Variants in MMP16 observed in about 807,000 individuals in gnomAD.
MMP16 encodes the protein matrix metalloproteinase-16.
Under a neutral mutation model 67.8 loss-of-function variants are expected in MMP16, and 12 were observed. The ratio of observed to expected loss-of-function variants is 0.18; its 90% CI spans 0.11 to 0.29. MMP16 has a LOEUF of 0.29. Among genes scored for constraint, MMP16 ranks in the 10% least tolerant of loss-of-function variants. The pLI is 1.00. For missense variants in MMP16, 475 were observed against 765.7 expected, an observed-to-expected ratio of 0.62 and a Z score of 4.48; for synonymous variants, 249 against 255.9, an observed-to-expected ratio of 0.97 and a Z score of 0.26.
chr8:88,050,334 A>T (rs1808254351), intron 8 of MMP16, among the ~76,000 whole-genome samples: 1 of 152,186 alleles, frequency 6.6e-6, no homozygotes, highest in African/African-American at 2.4e-5. Context: ...AATAATAATA[A>T]TAAATAAAAT....
rs1023985982 is a variant in MMP16 at position 88,107,874 on chromosome 8, T to C, written c.1083+8633A>G. ...AAAAACAAGAAATGCAGAGATAAGCTGTCCATAGCTTGATATATGAAAACT... is the reference window on the plus strand; with the variant it reads ...AAAAACAAGAAATGCAGAGATAAGCCGTCCATAGCTTGATATATGAAAACT... On this transcript the variant is annotated intron_variant, in intron 6 of 9. Coordinates refer to ENST00000286614, the MANE Select transcript of MMP16 (RefSeq NM_005941.5). Among the ~76,000 whole-genome samples, 6 of 151,202 alleles carry C rather than the reference T, an allele frequency of 4.0e-5. No homozygotes were observed. In the Admixed American group the frequency reaches 4.0e-4, roughly 10 times the overall value.
chr8:88,260,980 T>C (rs1393612383), intron 1 of MMP16, among the ~76,000 whole-genome samples: 2 of 152,174 alleles, frequency 1.3e-5, no homozygotes, highest in East Asian at 1.9e-4. Context: ...AGATAACAAA[T>C]GCACTTTAAC....
chr8:88,118,996 C>T lies in MMP16; in HGVS notation c.710-135G>A. The T allele has an allele frequency of 3.6e-6, 3 of 838,546 alleles. No homozygotes were observed. In the East Asian group the frequency reaches 8.2e-5, roughly 23 times the overall value. 51.9% of individuals were successfully genotyped at this position (838,546 alleles called of 1,614,324 possible). A position where few individuals can be genotyped will look rare whatever the true frequency, so the allele number is the denominator to read the frequency against. On this transcript the variant is annotated intron_variant, in intron 4 of 9. Transcript: ENST00000286614. ...TTTCCTTCAACTATTTGTATGGTTT[C>T]ATCACTGGCTTTCCTACTGGCAAAA...
rs368766586 is a variant in MMP16 at position 88,041,456 on chromosome 8, C to G, written c.*5G>C. 1 of 1,602,322 alleles carries G rather than the reference C, an allele frequency of 6.2e-7. No individual in the cohort carries two copies. The highest frequency in any genetic ancestry group is 8.5e-7 in the Non-Finnish European group (1 of 1,171,832). ...CAAAAGAAAGAAAGAAGAAAAAACC[C>G]TACATCACACCCACTCTTGCATAGA... On this transcript the variant is annotated 3_prime_UTR_variant, in exon 10 of 10. Transcript: ENST00000286614. The surrounding 1 kb of genome is among the most constrained non-coding windows in gnomAD (Gnocchi z 6.0).
At position 88,041,480 on chromosome 8, in the gene MMP16, G is replaced by C; in HGVS notation, c.1805C>G (p.Ser602Cys). Reference sequence around the variant, plus strand: ...CCTACATCACACCCACTCTTGCATAGAGCGTTTACAGTACAGTATGTGGCG... The same window carrying C: ...CCTACATCACACCCACTCTTGCATACAGCGTTTACAGTACAGTATGTGGCG... The part of the protein sequence containing the change: ...TPRHILYCKR[S>C]MQEWV Residue 602 changes from serine to cysteine, a missense_variant, in exon 10 of 10, where the codon TCT (serine) becomes TGT (cysteine). Ser to Cys is a moderately radical substitution (Grantham distance 112). Transcript: ENST00000286614. This position sits in a 1 kb window ranked among gnomAD's most constrained non-coding sequence, Gnocchi z 6.0. 1 of 1,613,802 alleles carries C rather than the reference G, an allele frequency of 6.2e-7. No individual in the cohort carries two copies. Among genetic ancestry groups the C allele is most frequent in the Non-Finnish European group, 8.5e-7 (1 of 1,179,742 alleles).
At chr8:88,241,189 C>G (rs1488019261) in intron 1 of MMP16, among the ~76,000 whole-genome samples, 1 of 151,890 alleles carries the variant, frequency 6.6e-6, no homozygotes, top group East Asian at 1.9e-4. Flanking sequence ...TCTGTTGCCT[C>G]CAACATGCAT....
intron 4 of MMP16, among the ~76,000 whole-genome samples, chr8:88,161,772 A>G (rs1428194461): frequency 6.6e-6 from 1 of 152,130 alleles, no homozygotes; most frequent in East Asian, 1.9e-4. Context: ...CGTTGGTTTC[A>G]AAGAACATCT....
At chr8:88,309,987 A>T (rs1007311153) in intron 1 of MMP16, among the ~76,000 whole-genome samples, 1 of 152,068 alleles carries the variant, frequency 6.6e-6, no homozygotes, top group East Asian at 1.9e-4. Flanking sequence ...TTCCTCATCC[A>T]CGTAGCTCAA....
At chr8:88,276,073 C>T (rs1389455202) in intron 1 of MMP16, among the ~76,000 whole-genome samples, 1 of 152,118 alleles carries the variant, frequency 6.6e-6, no homozygotes, top group African/African-American at 2.4e-5. Context: ...ACTAGTATAA[C>T]TCAAGTCTCT....
Position 88,095,177 on chromosome 8 carries a change from CT to C in MMP16, c.1084-20435del, listed in dbSNP as rs1054214982. Among the ~76,000 whole-genome samples the C allele has an allele frequency of 7.9e-5, 12 of 151,330 alleles. 1 individual carries two copies. Among genetic ancestry groups the C allele is most frequent in the Admixed American group, 4.0e-4 (6 of 15,140 alleles). The stretch of plus-strand genomic sequence containing the variant: ...AAGAAGTCAATAATTTGCTAAAAGA[CT>C]TTTTTTTTTAAACCATCTATCAATG... On this transcript the variant is annotated intron_variant, in intron 6 of 9. Coordinates refer to ENST00000286614, the MANE Select transcript of MMP16 (RefSeq NM_005941.5).
chr8:88,327,002 C>A (rs1811549647), intron 1 of MMP16, 73 bp downstream of exon 1: 1 of 1,593,078 alleles, frequency 6.3e-7, no homozygotes, highest in Non-Finnish European at 8.6e-7. Context: ...CTACAAGGAT[C>A]CCAGGAGTGA....
chr8:88,132,421 T>G (rs558055365), intron 4 of MMP16, among the ~76,000 whole-genome samples: 1 of 151,982 alleles, frequency 6.6e-6, no homozygotes, highest in South Asian at 2.1e-4. Context: ...TTGTTCAAGA[T>G]CAGATTTTTG....
intron 4 of MMP16, among the ~76,000 whole-genome samples, chr8:88,121,433 A>C (rs899083658): frequency 6.6e-6 from 1 of 152,044 alleles, no homozygotes; most frequent in Admixed American, 6.6e-5. Flanking sequence ...ATAGTTTAAA[A>C]GGGTAAGTTG....
chr8:88,035,862 T>C lies in MMP16; in HGVS notation c.*5599A>G, dbSNP rs1808047618. 1 of 151,996 alleles carries C rather than the reference T, an allele frequency of 6.6e-6. No individual in the cohort carries two copies. Among genetic ancestry groups the C allele is most frequent in the Non-Finnish European group, 1.5e-5 (1 of 67,878 alleles). 9.4% of individuals were successfully genotyped at this position (151,996 alleles called of 1,614,324 possible). ...TTAACTTTCAAAGTAGACATACGTA[T>C]AAAATATTGAAACATATATTTGTAA... On this transcript the variant is annotated 3_prime_UTR_variant, in exon 10 of 10. Coordinates refer to ENST00000286614, the MANE Select transcript of MMP16 (RefSeq NM_005941.5). The surrounding 1 kb of genome is among the most constrained non-coding windows in gnomAD (Gnocchi z 4.7).
At chr8:88,046,067 T>A (rs2118198061) in intron 9 of MMP16, among the ~76,000 whole-genome samples, 1 of 152,090 alleles carries the variant, frequency 6.6e-6, no homozygotes, top group South Asian at 2.1e-4. Context: ...GATAGGGGAG[T>A]ATGGATTATC....
intron 1 of MMP16, among the ~76,000 whole-genome samples, chr8:88,325,534 C>T (rs1811522124): frequency 6.6e-6 from 1 of 152,174 alleles, no homozygotes; most frequent in Admixed American, 6.5e-5. Flanking sequence ...CACTTTAATT[C>T]CTCCAGCCTA....
chr8:88,101,367 G>A (rs1192616472), intron 6 of MMP16, among the ~76,000 whole-genome samples: 1 of 151,862 alleles, frequency 6.6e-6, no homozygotes, highest in Non-Finnish European at 1.5e-5. Context: ...ACATGAAAAA[G>A]TTTCAGGAAT....
intron 6 of MMP16, among the ~76,000 whole-genome samples, chr8:88,088,435 T>G (rs1388367807): frequency 6.6e-6 from 1 of 151,914 alleles, no homozygotes; most frequent in African/African-American, 2.4e-5. Flanking sequence ...GTCAACAAAT[T>G]AAGTGTTTGA....
At chr8:88,195,372 A>T (rs1469465905) in intron 2 of MMP16, among the ~76,000 whole-genome samples, 1 of 152,164 alleles carries the variant, frequency 6.6e-6, no homozygotes, top group Non-Finnish European at 1.5e-5. Context: ...AACAATGTGA[A>T]CTAATTTGTT....
Sources: gnomAD v4.1 joint callset for allele counts (sites outside exome capture counted in the v4.1 genomes callset) on GRCh38, gnomAD v4.1.1 for gene constraint, Gnocchi (gnomAD v3.1) non-coding constraint, MANE v1.5 for transcripts, NCBI Gene and HGNC (gene_info 2026-07-23, HGNC 2026-07-21) for gene names.